ERBB4: variants seen among roughly 807,000 people sequenced by gnomAD.
The protein encoded by ERBB4 is erb-b2 receptor tyrosine kinase 4, also known as receptor tyrosine-protein kinase erbB-4.
A neutral mutation model predicts 158.0 loss-of-function variants in ERBB4; 42 were observed. That is an observed-to-expected ratio of 0.27 (90% CI 0.21 to 0.34). The LOEUF is 0.34. ERBB4 is among the 10% of genes least tolerant of loss of function. The pLI is 1.00. For missense variants in ERBB4, 1,333 were observed against 1,624.1 expected, an observed-to-expected ratio of 0.82 and a Z score of 3.08; for synonymous variants, 583 against 558.7, an observed-to-expected ratio of 1.04 and a Z score of -0.61.
intron 1 of ERBB4, among the ~76,000 whole-genome samples, chr2:212,191,383 AT>A (rs2082183319): frequency 6.6e-6 from 1 of 152,078 alleles, no homozygotes; most frequent in Admixed American, 6.6e-5. Flanking sequence ...TTTTAAAAAA[AT>A]GTAATGTGTA....
At chr2:212,492,901 T>C (rs1323561695) in intron 1 of ERBB4, among the ~76,000 whole-genome samples, 1 of 151,546 alleles carries the variant, frequency 6.6e-6, no homozygotes, top group Non-Finnish European at 1.5e-5. Context: ...AATTAATTTT[T>C]TACTCCATAC....
Position 211,375,885 on chromosome 2 carries a change from A to T in ERBB4, c.*7730T>A, listed in dbSNP as rs892831976. ...TTCTATAATTGCCTTGTACAGGTACAATTCTTTCCCAAGAGCCAAAAGAGG... is the reference window on the plus strand; with the variant it reads ...TTCTATAATTGCCTTGTACAGGTACTATTCTTTCCCAAGAGCCAAAAGAGG... On this transcript the variant is annotated 3_prime_UTR_variant, in exon 28 of 28. Coordinates refer to ENST00000342788, the MANE Select transcript of ERBB4 (RefSeq NM_005235.3). 4.3e-6 allele frequency: 1 copy of T among 232,754 alleles called. No homozygotes were observed. Among genetic ancestry groups the T allele is most frequent in the Non-Finnish European group, 8.5e-6 (1 of 117,580 alleles). The allele number at this position is 232,754 out of a possible 1,614,324, so 14.4% of individuals were successfully genotyped here.
intron 9 of ERBB4, 90 bp downstream of exon 9, chr2:211,711,960 T>TTATTTGA: frequency 8.7e-7 from 1 of 1,145,236 alleles, no homozygotes; most frequent in Non-Finnish European, 1.3e-6. Flanking sequence ...ACTCTTCAGC[T>TTATTTGA]TCCAGAGGAA....
chr2:212,326,593 G>GT (rs976831408), intron 1 of ERBB4, among the ~76,000 whole-genome samples: 1 of 150,660 alleles, frequency 6.6e-6, no homozygotes, highest in African/African-American at 2.4e-5. Flanking sequence ...TGATGGGTAT[G>GT]TTTTTTAATT....
intron 6 of ERBB4, 133 bp downstream of exon 6, chr2:211,724,943 G>A (rs780448201): frequency 1.5e-5 from 11 of 730,576 alleles, no homozygotes; most frequent in Non-Finnish European, 2.5e-5. Context: ...CTTTGAGGAG[G>A]GCAGAGCATT....
chr2:211,951,441 TA>T (rs2080873444), intron 2 of ERBB4, among the ~76,000 whole-genome samples: 1 of 152,180 alleles, frequency 6.6e-6, no homozygotes, highest in East Asian at 1.9e-4. Context: ...GCTGAACACA[TA>T]AAGAAGGACC....
Position 211,379,155 on chromosome 2 carries a change from A to G in ERBB4, c.*4460T>C, listed in dbSNP as rs144628889. ...TTGTCATTTTTGGAGGCAAGAGGGC[A>G]TAGTGAGAAAAGAAAGGACATATCA... On this transcript the variant is annotated 3_prime_UTR_variant, in exon 28 of 28. Transcript: ENST00000342788. 3.2e-3 allele frequency: 730 copies of G among 230,682 alleles called. 10 individuals are homozygous for G. Among genetic ancestry groups the G allele is most frequent in the African/African-American group, 0.015 (701 of 45,278 alleles). The allele number at this position is 230,682 out of a possible 1,614,324, so 14.3% of individuals were successfully genotyped here.
At chr2:212,022,562 A>T (rs957876247) in intron 2 of ERBB4, among the ~76,000 whole-genome samples, 2 of 152,036 alleles carry the variant, frequency 1.3e-5, no homozygotes, top group African/African-American at 4.8e-5. Context: ...AGCATCAGGA[A>T]AAAGAGCTAA....
At chr2:211,508,917 G>C (rs764008969) in intron 20 of ERBB4, among the ~76,000 whole-genome samples, 1 of 150,924 alleles carries the variant, frequency 6.6e-6, no homozygotes, top group Non-Finnish European at 1.5e-5. Flanking sequence ...GTGACAGAGC[G>C]AGACTGTCTC....
chr2:211,881,353 A>T (rs1299510965), intron 3 of ERBB4, among the ~76,000 whole-genome samples: 1 of 152,106 alleles, frequency 6.6e-6, no homozygotes, highest in Admixed American at 6.6e-5. Flanking sequence ...CCAAGAAATT[A>T]TTTTTTTGCT....
chr2:211,622,621 C>T (rs1159664349), intron 18 of ERBB4, among the ~76,000 whole-genome samples: 1 of 151,770 alleles, frequency 6.6e-6, no homozygotes, highest in Non-Finnish European at 1.5e-5. Flanking sequence ...ATCCAATTAA[C>T]TTTAACAGAT....
At chr2:212,488,958 C>T (rs1690124207) in intron 1 of ERBB4, among the ~76,000 whole-genome samples, 1 of 148,692 alleles carries the variant, frequency 6.7e-6, no homozygotes, top group Non-Finnish European at 1.5e-5. Flanking sequence ...GCCATTCATA[C>T]TAGATGGCCA....
At chr2:211,834,081 C>G (rs1371198) in intron 3 of ERBB4, among the ~76,000 whole-genome samples, 123,616 of 152,098 alleles carry the variant, frequency 0.81, 50,536 homozygotes, top group Non-Finnish European at 0.86. Context: ...CAATTTGCTA[C>G]CATGTCAGTT....
chr2:211,846,502 C>A (rs78784609), intron 3 of ERBB4, among the ~76,000 whole-genome samples: 7 of 151,922 alleles, frequency 4.6e-5, no homozygotes, highest in Non-Finnish European at 1.0e-4. Flanking sequence ...AAAAAGAGAG[C>A]GCTATGAAAA....
intron 1 of ERBB4, among the ~76,000 whole-genome samples, chr2:212,364,803 C>A (rs140549918): frequency 2.6e-5 from 4 of 151,620 alleles, no homozygotes; most frequent in African/African-American, 9.7e-5. Context: ...TTATGCATGC[C>A]AGTACACTAT....
At chr2:211,453,482 A>G (rs577081520) in intron 20 of ERBB4, among the ~76,000 whole-genome samples, 1 of 152,264 alleles carries the variant, frequency 6.6e-6, no homozygotes, top group South Asian at 2.1e-4. Flanking sequence ...TTCACTAATG[A>G]ATTATCATTT....
At chr2:212,123,812 A>T (rs72939817) in intron 2 of ERBB4, among the ~76,000 whole-genome samples, 2,105 of 152,306 alleles carry the variant, frequency 0.014, 21 homozygotes, top group Non-Finnish European at 0.021. Context: ...TAGATCTCTA[A>T]ATAATTTACT....
At chr2:211,855,727 GT>G (rs575109152) in intron 3 of ERBB4, among the ~76,000 whole-genome samples, 9 of 152,064 alleles carry the variant, frequency 5.9e-5, no homozygotes, top group Non-Finnish European at 1.2e-4. Flanking sequence ...ATATCCAGTA[GT>G]TTTAGTCCCC....
chr2:212,274,994 C>T (rs188420904), intron 1 of ERBB4, among the ~76,000 whole-genome samples: 1 of 151,994 alleles, frequency 6.6e-6, no homozygotes, highest in African/African-American at 2.4e-5. Context: ...CATTGTTCAG[C>T]TCCCACTTAA....
Sources: gnomAD v4.1 joint callset for allele counts (sites outside exome capture counted in the v4.1 genomes callset) on GRCh38, gnomAD v4.1.1 for gene constraint, MANE v1.5 for transcripts, NCBI Gene and HGNC (gene_info 2026-07-23, HGNC 2026-07-21) for gene names.